ADGRL3: variants seen among roughly 807,000 people sequenced by gnomAD.
ADGRL3 encodes calcium-independent alpha-latrotoxin receptor 3.
A neutral mutation model predicts 153.5 loss-of-function variants in ADGRL3; 62 were observed. The observed-to-expected ratio is 0.40, with a 90% CI of 0.33 to 0.50. The LOEUF is 0.50. Among genes scored for constraint, ADGRL3 ranks in the 20% least tolerant of loss-of-function variants. The pLI is 0.47. For synonymous variants in ADGRL3, 710 were observed against 672.5 expected, an observed-to-expected ratio of 1.06 and a Z score of -0.86; for missense variants, 1,641 against 1,859.4, an observed-to-expected ratio of 0.88 and a Z score of 2.16.
chr4:61,794,732 A>G (rs936338110), intron 8 of ADGRL3, among the ~76,000 whole-genome samples: 2 of 152,184 alleles, frequency 1.3e-5, no homozygotes, highest in Admixed American at 6.5e-5. Flanking sequence ...GACTGACTTA[A>G]AGAATAGGGT....
chr4:61,933,911 A>G (rs17082493), intron 13 of ADGRL3: 93,834 of 152,040 alleles, frequency 0.62, 30,028 homozygotes, highest in Non-Finnish European at 0.73. Flanking sequence ...GATTAGATGC[A>G]TATTTCATAA....
chr4:61,459,538 T>C (rs773854500), intron 2 of ADGRL3, among the ~76,000 whole-genome samples: 2 of 152,054 alleles, frequency 1.3e-5, no homozygotes, highest in Non-Finnish European at 2.9e-5. Flanking sequence ...ATCTTCGATA[T>C]ATTATTAATT....
intron 4 of ADGRL3, among the ~76,000 whole-genome samples, chr4:61,539,951 C>G (rs899977980): frequency 6.6e-6 from 1 of 152,114 alleles, no homozygotes; most frequent in Non-Finnish European, 1.5e-5. Flanking sequence ...GCTTTCCATT[C>G]AAATCCTGAC....
chr4:61,717,806 C>T (rs991108944), intron 6 of ADGRL3, among the ~76,000 whole-genome samples: 6 of 152,002 alleles, frequency 3.9e-5, no homozygotes, highest in South Asian at 4.1e-4. Flanking sequence ...GGCCGAGGCA[C>T]GCAGATCACC....
chr4:61,500,031 G>GAA (rs2098368756), intron 3 of ADGRL3, among the ~76,000 whole-genome samples: 1 of 65,888 alleles, frequency 1.5e-5, no homozygotes, highest in Non-Finnish European at 4.2e-5. Context: ...CACAGAAACA[G>GAA]AGAGAGAGAG....
At position 61,809,759 on chromosome 4, in the gene ADGRL3, C is replaced by T. The variant is rs139994167; in HGVS notation, c.1400-4050C>T. ...ATGGTGTTTTATGTATGCCAAACAC[C>T]GAGAAAGGCACCTGTGCCTCATGAA... On this transcript the variant is annotated intron_variant, in intron 8 of 26. Transcript: ENST00000683033. 4.0e-5 allele frequency among the ~76,000 whole-genome samples: 6 copies of T among 151,710 alleles called. No homozygotes were observed. In the East Asian group the frequency reaches 1.2e-3, roughly 29 times the overall value.
intron 2 of ADGRL3, among the ~76,000 whole-genome samples, chr4:61,397,312 C>G (rs1341041835): frequency 6.6e-6 from 1 of 151,708 alleles, no homozygotes; most frequent in African/African-American, 2.4e-5. Flanking sequence ...AATCCATTTA[C>G]AGAAAAAGAA....
At chr4:61,223,996 G>A (rs1391447221) in intron 1 of ADGRL3, among the ~76,000 whole-genome samples, 1 of 150,786 alleles carries the variant, frequency 6.6e-6, no homozygotes, top group South Asian at 2.1e-4. Context: ...TTTCTGTATT[G>A]GTAAATTAGA....
chr4:62,007,206 C>G (rs543757826), intron 21 of ADGRL3, among the ~76,000 whole-genome samples: 44 of 150,666 alleles, frequency 2.9e-4, no homozygotes, highest in Middle Eastern at 3.4e-3. Context: ...GTAAAATATT[C>G]CTCAGAAGCC....
chr4:61,653,449 A>G (rs2094340213), intron 5 of ADGRL3, among the ~76,000 whole-genome samples: 1 of 152,226 alleles, frequency 6.6e-6, no homozygotes, highest in Non-Finnish European at 1.5e-5. Context: ...AGCCACAACT[A>G]TTCAGGACTC....
chr4:61,352,589 T>C (rs557156818), intron 1 of ADGRL3, among the ~76,000 whole-genome samples: 1 of 152,210 alleles, frequency 6.6e-6, no homozygotes, highest in East Asian at 1.9e-4. Context: ...CTCACCATGT[T>C]GGCCAGGCTG....
intron 8 of ADGRL3, among the ~76,000 whole-genome samples, chr4:61,786,148 A>G (rs138222403): frequency 1.6e-3 from 244 of 152,326 alleles, no homozygotes; most frequent in African/African-American, 5.7e-3. Flanking sequence ...ACTGAACCAT[A>G]CATTCTACAT....
intron 9 of ADGRL3, among the ~76,000 whole-genome samples, chr4:61,823,903 TA>T (rs1305839530): frequency 6.6e-6 from 1 of 151,820 alleles, no homozygotes; most frequent in Non-Finnish European, 1.5e-5. Context: ...CTACTAAAAA[TA>T]CAAAAAATTA....
chr4:62,055,386 G>A (rs1582087513), intron 25 of ADGRL3, among the ~76,000 whole-genome samples: 1 of 151,708 alleles, frequency 6.6e-6, no homozygotes, highest in African/African-American at 2.4e-5. Context: ...AGAAGCTGAA[G>A]TATCTCCAAA....
chr4:61,947,851 T>C (rs1437997059), intron 16 of ADGRL3, among the ~76,000 whole-genome samples: 1 of 152,188 alleles, frequency 6.6e-6, no homozygotes, highest in Non-Finnish European at 1.5e-5. Flanking sequence ...TTTTGAAACA[T>C]TGGTACTAGT....
At chr4:61,948,025 T>A in intron 16 of ADGRL3, 75 bp from the exon 17 acceptor site, 1 of 1,228,302 alleles carries the variant, frequency 8.1e-7, no homozygotes, top group Non-Finnish European at 1.1e-6. Flanking sequence ...TTGTATTATA[T>A]GTAAAGAAAA....
chr4:61,869,963 AG>A lies in ADGRL3; in HGVS notation c.1481-22692del, dbSNP rs1561390240. Among the ~76,000 whole-genome samples, 365 of 93,380 alleles carry A rather than the reference AG, an allele frequency of 3.9e-3. 3 individuals carry two copies. The highest frequency in any genetic ancestry group is 0.012 in the African/African-American group (286 of 23,274). The allele number at this position is 93,380 out of a possible 152,430, so 61.3% of individuals were successfully genotyped here. On this transcript the variant is annotated intron_variant, in intron 9 of 26. Transcript: ENST00000683033. ...AAAAAAAAAAAAAAAAAAAAAAAAGAGAGAGAGAGAGAAAGAGAGAGAGAGA... is the reference window on the plus strand; with the variant it reads ...AAAAAAAAAAAAAAAAAAAAAAAAGAAGAGAGAGAGAAAGAGAGAGAGAGA...
Position 61,438,289 on chromosome 4 carries a change from A to G in ADGRL3, c.-174+55100A>G, listed in dbSNP as rs141161765. Among the ~76,000 whole-genome samples the G allele has an allele frequency of 8.5e-5, 13 of 152,092 alleles. No individual in the cohort carries two copies. In the East Asian group the frequency reaches 2.3e-3, roughly 27 times the overall value. ...AAAATATAAAACTGTATGTACTTGA[A>G]TCACTCTATCACTTTCACATTAACC... On this transcript the variant is annotated intron_variant, in intron 2 of 26. Transcript: ENST00000683033.
intron 4 of ADGRL3, among the ~76,000 whole-genome samples, chr4:61,567,588 G>A (rs2098821554): frequency 6.6e-6 from 1 of 152,142 alleles, no homozygotes; most frequent in African/African-American, 2.4e-5. Flanking sequence ...CCAGCCTCCA[G>A]AACGATGAGA....
Sources: gnomAD v4.1 joint callset for allele counts (sites outside exome capture counted in the v4.1 genomes callset) on GRCh38, gnomAD v4.1.1 for gene constraint, MANE v1.5 for transcripts, NCBI Gene and HGNC (gene_info 2026-07-23, HGNC 2026-07-21) for gene names.